The following FBXO34 variants were observed in gnomAD, a reference collection of about 807,000 sequenced individuals.
FBXO34 encodes F-box protein 34.
Under a neutral mutation model 24.5 loss-of-function variants are expected in FBXO34, and 12 were observed. The observed-to-expected ratio is 0.49, with a 90% CI of 0.31 to 0.79. FBXO34 has a LOEUF of 0.79. FBXO34 is among the 30% of genes least tolerant of loss of function. The pLI is 0.04. For synonymous variants in FBXO34, 320 were observed against 311.9 expected (o/e 1.03, Z -0.27); for missense variants, 823 against 857.7 (o/e 0.96, Z 0.51).
chr14:55,351,714 C>G lies in FBXO34; in HGVS notation c.1324C>G (p.Leu442Val), dbSNP rs760003612. 1.9e-6 allele frequency: 3 copies of G among 1,614,194 alleles called. No homozygotes were observed. Among genetic ancestry groups the G allele is most frequent in the South Asian group, 1.1e-5 (1 of 91,084 alleles). Residue 442 changes from leucine (L) to valine (V), a missense_variant, in exon 2 of 2, where the codon CTT (leucine) becomes GTT (valine). Coordinates refer to ENST00000313833, the MANE Select transcript of FBXO34 (RefSeq NM_017943.4). ...TTGTATGAGCAGAGAGCTTGTGTCC[C>G]TTACTAGCCGAAATCCTGATCAAAG... ...VDCMSRELVS[L>V]TSRNPDQRKE... is the part of the protein sequence containing the mutation.
At chr14:55,354,096 T>C (rs1429022537), downstream of FBXO34, among the ~76,000 whole-genome samples, 1 of 152,206 alleles carries the variant, frequency 6.6e-6, no homozygotes, top group Admixed American at 6.5e-5. Flanking sequence ...TGTGCTGGGC[T>C]GATGTGCTTG....
chr14:55,401,125 A>C, the FBXO34 span, among the ~76,000 whole-genome samples: 1 of 152,036 alleles, frequency 6.6e-6, no homozygotes, highest in Admixed American at 6.5e-5. Flanking sequence ...TTGGCCTCCC[A>C]TCCCTCCCTC....
At chr14:55,318,409 T>A (rs1473856188) in intron 1 of FBXO34, 2 of 79,946 alleles carry the variant, frequency 2.5e-5, no homozygotes, top group African/African-American at 1.4e-4. Flanking sequence ...TATATATATA[T>A]ATGCAGTCAG....
chr14:55,287,837 A>G (rs1881812479), intron 1 of FBXO34, among the ~76,000 whole-genome samples: 1 of 152,228 alleles, frequency 6.6e-6, no homozygotes, highest in African/African-American at 2.4e-5. Flanking sequence ...TTATGAATGC[A>G]TGCTGCTCTG....
chr14:55,383,224 G>A, the FBXO34 span, among the ~76,000 whole-genome samples: 5 of 151,836 alleles, frequency 3.3e-5, no homozygotes, highest in South Asian at 6.3e-4. Context: ...ACTAACCGAG[G>A]ACTGAAAATA....
the FBXO34 span, among the ~76,000 whole-genome samples, chr14:55,416,817 A>C: frequency 5.3e-5 from 8 of 152,218 alleles, no homozygotes; most frequent in Admixed American, 5.2e-4. Flanking sequence ...CCTCTCCCAA[A>C]ATCCCCAAAA....
the FBXO34 span, chr14:55,395,799 T>G: frequency 1.0e-5 from 5 of 477,698 alleles, no homozygotes; most frequent in Non-Finnish European, 1.7e-5. Context: ...ATGAAATATT[T>G]GAGAAAGCCA....
chr14:55,309,550 C>T (rs1882665169), intron 1 of FBXO34, among the ~76,000 whole-genome samples: 1 of 152,184 alleles, frequency 6.6e-6, no homozygotes, highest in Non-Finnish European at 1.5e-5. Context: ...AGCAGGAGGA[C>T]TAGCTTGCCA....
chr14:55,303,157 T>C (rs1278010514), intron 1 of FBXO34, among the ~76,000 whole-genome samples: 2 of 152,164 alleles, frequency 1.3e-5, no homozygotes, highest in African/African-American at 4.8e-5. Context: ...GGCTATTCTT[T>C]AAATTTTGAG....
the FBXO34 span, chr14:55,413,693 T>G: frequency 1.5e-5 from 5 of 325,800 alleles, no homozygotes; most frequent in South Asian, 1.6e-4. Context: ...TTTCTGATTA[T>G]TTACCTTCAC....
chr14:55,420,304 C>T, the FBXO34 span, among the ~76,000 whole-genome samples: 1 of 152,174 alleles, frequency 6.6e-6, no homozygotes, highest in African/African-American at 2.4e-5. Context: ...CTCAGCCTCC[C>T]AAAGTGCTGG....
At chr14:55,330,536 C>T (rs779858744) in intron 1 of FBXO34, among the ~76,000 whole-genome samples, 1 of 152,094 alleles carries the variant, frequency 6.6e-6, no homozygotes, top group Non-Finnish European at 1.5e-5. Flanking sequence ...GTAATCCTAG[C>T]ACTCTGGGAG....
the FBXO34 span, among the ~76,000 whole-genome samples, chr14:55,442,330 A>C: frequency 5.3e-5 from 8 of 151,692 alleles, no homozygotes; most frequent in East Asian, 1.6e-3. Context: ...CCGAGGTTGC[A>C]ATGAGCCCAG....
At chr14:55,375,148 A>G in the FBXO34 span, among the ~76,000 whole-genome samples, 1 of 152,160 alleles carries the variant, frequency 6.6e-6, no homozygotes, top group Admixed American at 6.5e-5. Context: ...AGCCATTCAA[A>G]TAATACATGT....
chr14:55,293,538 T>G (rs1348893244), intron 1 of FBXO34, among the ~76,000 whole-genome samples: 3 of 152,072 alleles, frequency 2.0e-5, no homozygotes, highest in Non-Finnish European at 2.9e-5. Flanking sequence ...ATAGAGACTT[T>G]GAGATACTTT....
the FBXO34 span, among the ~76,000 whole-genome samples, chr14:55,409,067 A>C: frequency 6.6e-6 from 1 of 152,212 alleles, no homozygotes; most frequent in Admixed American, 6.5e-5. Flanking sequence ...TGTCTGACTA[A>C]AAGAAGGGAG....
chr14:55,418,529 A>G, the FBXO34 span, among the ~76,000 whole-genome samples: 7 of 152,238 alleles, frequency 4.6e-5, 1 homozygote, highest in East Asian at 1.9e-4. Context: ...CCAATTTACT[A>G]TTAGTTGGGG....
the FBXO34 span, among the ~76,000 whole-genome samples, chr14:55,380,875 A>ATTTTTTTT: frequency 4.4e-4 from 50 of 112,640 alleles, no homozygotes; most frequent in Non-Finnish European, 6.5e-4. Flanking sequence ...ATATATATAT[A>ATTTTTTTT]TTTTTTTTTT....
chr14:55,346,497 G>GTGGGATATGA (rs1485148281), intron 1 of FBXO34, among the ~76,000 whole-genome samples: 5 of 152,190 alleles, frequency 3.3e-5, no homozygotes, highest in African/African-American at 4.8e-5. Context: ...ATATCCAGGT[G>GTGGGATATGA]AGTATGTCTA....
Sources: gnomAD v4.1 joint callset for allele counts (sites outside exome capture counted in the v4.1 genomes callset) on GRCh38, gnomAD v4.1.1 for gene constraint, MANE v1.5 for transcripts, NCBI Gene and HGNC (gene_info 2026-07-23, HGNC 2026-07-21) for gene names.